NALF1: variants seen among roughly 807,000 people sequenced by gnomAD.
NALF1 encodes the protein family with sequence similarity 155 member A.
NALF1 carries 3 observed loss-of-function variants against 48.4 expected under a neutral mutation model. The ratio of observed to expected loss-of-function variants is 0.06; its 90% CI spans 0.03 to 0.16. The LOEUF (loss-of-function observed/expected upper bound fraction) is 0.16. Among genes scored for constraint, NALF1 ranks in the 10% least tolerant of loss-of-function variants. The pLI is 1.00. For synonymous variants in NALF1, 262 were observed against 245.7 expected (o/e 1.07, Z -0.62); for missense variants, 526 against 571.5 (o/e 0.92, Z 0.81).
intron 1 of NALF1, among the ~76,000 whole-genome samples, chr13:107,242,992 C>T (rs1880507230): frequency 6.6e-6 from 1 of 152,276 alleles, no homozygotes; most frequent in East Asian, 1.9e-4. Context: ...CCCTCTCAGC[C>T]ACCCACTTTT....
At chr13:107,313,827 C>A (rs1263319740) in intron 1 of NALF1, among the ~76,000 whole-genome samples, 2 of 152,134 alleles carry the variant, frequency 1.3e-5, no homozygotes, top group African/African-American at 4.8e-5. Flanking sequence ...GCCTCCACTT[C>A]AAGCTGTCCG....
At chr13:107,610,222 G>A (rs1450741464) in intron 1 of NALF1, among the ~76,000 whole-genome samples, 2 of 151,688 alleles carry the variant, frequency 1.3e-5, no homozygotes, top group African/African-American at 2.4e-5. Context: ...AACTGAAGAT[G>A]TATGTATTAC....
intron 1 of NALF1, among the ~76,000 whole-genome samples, chr13:107,554,252 A>G (rs1877387487): frequency 6.6e-6 from 1 of 152,138 alleles, no homozygotes; most frequent in African/African-American, 2.4e-5. Context: ...CCATTTTCAG[A>G]TTTCTGTAGA....
At chr13:107,403,723 T>A (rs72638404) in intron 1 of NALF1, among the ~76,000 whole-genome samples, 87,709 of 150,614 alleles carry the variant, frequency 0.58, 25,783 homozygotes, top group African/African-American at 0.66. Flanking sequence ...CCACAAATTT[T>A]AAAAAAAAAC....
rs969919921 is a variant in NALF1, at chr13:107,494,926, T to C, written c.916-284171A>G. 4.6e-5 allele frequency among the ~76,000 whole-genome samples: 7 copies of C among 152,222 alleles called. No homozygotes were observed. The East Asian group carries it at 1.2e-3, about 25-fold the overall frequency. On this transcript the variant is annotated intron_variant, in intron 1 of 2. Transcript: ENST00000375915. ...GAAGAACAGAATGTAAAAGCACATA[T>C]GGAAACTAAGTCTCACGAGTAGAGC...
chr13:107,322,435 CCAAT>C (rs945282895), intron 1 of NALF1, among the ~76,000 whole-genome samples: 5 of 152,144 alleles, frequency 3.3e-5, no homozygotes, highest in African/African-American at 9.7e-5. Context: ...TAAATACCAA[CCAAT>C]CATTCAGTGC....
At chr13:107,682,993 T>G (rs1394017543) in intron 1 of NALF1, among the ~76,000 whole-genome samples, 2 of 152,178 alleles carry the variant, frequency 1.3e-5, no homozygotes, top group Non-Finnish European at 2.9e-5. Context: ...GTGGGCATGG[T>G]AGTTCACACC....
intron 1 of NALF1, among the ~76,000 whole-genome samples, chr13:107,665,211 A>G (rs1004403749): frequency 2.6e-5 from 4 of 151,988 alleles, no homozygotes; most frequent in Non-Finnish European, 5.9e-5. Flanking sequence ...ATCTATACTC[A>G]AGGTTTATTT....
intron 1 of NALF1, among the ~76,000 whole-genome samples, chr13:107,620,257 A>T (rs954803590): frequency 6.6e-5 from 10 of 152,164 alleles, no homozygotes; most frequent in African/African-American, 2.4e-4. Flanking sequence ...AATGGTAATG[A>T]TTTGGACAAA....
At chr13:107,627,093 G>A (rs115008529) in intron 1 of NALF1, among the ~76,000 whole-genome samples, 4 of 150,318 alleles carry the variant, frequency 2.7e-5, no homozygotes, top group African/African-American at 9.7e-5. Context: ...ATCACATCCT[G>A]TAGACTAAGG....
At chr13:107,626,373 G>A (rs1272184446) in intron 1 of NALF1, among the ~76,000 whole-genome samples, 2 of 151,888 alleles carry the variant, frequency 1.3e-5, no homozygotes, top group African/African-American at 2.4e-5. Context: ...CAAAAAACTA[G>A]CAATAGAACT....
At chr13:107,457,479 C>T (rs1884842939) in intron 1 of NALF1, among the ~76,000 whole-genome samples, 1 of 152,114 alleles carries the variant, frequency 6.6e-6, no homozygotes, top group African/African-American at 2.4e-5. Context: ...GTAGCAAGCA[C>T]AGGAGAAGCA....
intron 1 of NALF1, among the ~76,000 whole-genome samples, chr13:107,524,585 A>C (rs1245711932): frequency 1.3e-5 from 2 of 152,162 alleles, no homozygotes; most frequent in Admixed American, 6.6e-5. Context: ...ATGATTTTTA[A>C]AGCAGAATTA....
At chr13:107,458,199 T>C (rs906430645) in intron 1 of NALF1, among the ~76,000 whole-genome samples, 5 of 152,124 alleles carry the variant, frequency 3.3e-5, no homozygotes, top group Non-Finnish European at 7.4e-5. Flanking sequence ...AAAAACAGCA[T>C]TGAAGGAAAA....
intron 1 of NALF1, among the ~76,000 whole-genome samples, chr13:107,544,972 C>T (rs138449396): frequency 8.7e-4 from 132 of 152,268 alleles, no homozygotes; most frequent in African/African-American, 2.8e-3. Flanking sequence ...CATACAGTGA[C>T]ACACTGTGCT....
chr13:107,342,890 A>G (rs1264391268), intron 1 of NALF1, among the ~76,000 whole-genome samples: 1 of 152,174 alleles, frequency 6.6e-6, no homozygotes, highest in Admixed American at 6.5e-5. Context: ...GCATACGTTG[A>G]CAGAAGTGAA....
At chr13:107,635,530 A>T (rs1192068301) in intron 1 of NALF1, among the ~76,000 whole-genome samples, 1 of 152,110 alleles carries the variant, frequency 6.6e-6, no homozygotes, top group Non-Finnish European at 1.5e-5. Flanking sequence ...GCAAAACCGT[A>T]TCATTTACCC....
At chr13:107,172,699 G>A (rs1267970974) in intron 2 of NALF1, among the ~76,000 whole-genome samples, 4 of 151,828 alleles carry the variant, frequency 2.6e-5, no homozygotes, top group Non-Finnish European at 5.9e-5. Flanking sequence ...TGAAATATAC[G>A]TTTCCAATAC....
Position 107,865,722 on chromosome 13 carries a change from G to A in NALF1, c.875C>T (p.Ser292Leu). Residue 292 changes from serine to leucine, a missense_variant, in exon 1 of 3, where the codon TCG becomes TTG. Physicochemically the swap from Ser to Leu is moderately radical, Grantham distance 145. Transcript: ENST00000375915. ...FESVLHKYLQ[S>L]EEYSVKSCPE... ...ACAGGATTTCACCGAGTACTCCTCC[G>A]ACTGTAAATATTTGTGGAGCACGCT... The A allele has an allele frequency of 6.2e-7, 1 of 1,613,990 alleles. No homozygotes were observed. The highest frequency in any genetic ancestry group is 8.5e-7 in the Non-Finnish European group (1 of 1,179,992).
Sources: allele counts gnomAD v4.1 joint callset (sites outside exome capture counted in the v4.1 genomes callset), GRCh38; gene constraint gnomAD v4.1.1; transcripts MANE v1.5; gene names NCBI Gene and HGNC (gene_info 2026-07-23, HGNC 2026-07-21).